Variants in KCNN2 observed in about 807,000 individuals in gnomAD.
KCNN2 encodes the protein potassium calcium-activated channel subfamily N member 2.
Under a neutral mutation model 55.5 loss-of-function variants are expected in KCNN2, and 24 were observed. The ratio of observed to expected loss-of-function variants is 0.43; its 90% CI spans 0.31 to 0.61. KCNN2 has a LOEUF of 0.61. KCNN2 is among the 20% of genes least tolerant of loss of function. The pLI is 0.08. For synonymous variants in KCNN2, 431 were observed against 336.1 expected (o/e 1.28, Z -3.09); for missense variants, 754 against 853.6 (o/e 0.88, Z 1.45).
intron 2 of KCNN2, among the ~76,000 whole-genome samples, chr5:114,293,539 C>A (rs62382903): frequency 1.2e-4 from 19 of 152,170 alleles, no homozygotes; most frequent in East Asian, 1.2e-3. Flanking sequence ...CCAGGGATGA[C>A]GCCCACTTGA....
intron 3 of KCNN2, among the ~76,000 whole-genome samples, chr5:114,415,718 A>G (rs1440909736): frequency 1.3e-5 from 2 of 152,196 alleles, no homozygotes; most frequent in African/African-American, 4.8e-5. Context: ...CAAATTGCCC[A>G]TTTTTAAACT....
intron 2 of KCNN2, among the ~76,000 whole-genome samples, chr5:114,322,114 C>T (rs1561570519): frequency 6.6e-6 from 1 of 152,188 alleles, no homozygotes; most frequent in Admixed American, 6.5e-5. Context: ...CACAATTAAG[C>T]TGCAAATAAC....
At chr5:114,262,085 G>A (rs1284433482) in intron 2 of KCNN2, among the ~76,000 whole-genome samples, 1 of 152,156 alleles carries the variant, frequency 6.6e-6, no homozygotes, top group African/African-American at 2.4e-5. Flanking sequence ...AACCTAAAGA[G>A]ACTCATGTGT....
At chr5:114,416,323 A>C (rs945858597) in intron 3 of KCNN2, among the ~76,000 whole-genome samples, 2 of 152,192 alleles carry the variant, frequency 1.3e-5, no homozygotes, top group African/African-American at 4.8e-5. Flanking sequence ...TCATGACCAA[A>C]AGCAAACATT....
chr5:114,461,847 C>G (rs1459780), intron 3 of KCNN2, among the ~76,000 whole-genome samples: 74,487 of 151,864 alleles, frequency 0.49, 19,991 homozygotes, highest in Middle Eastern at 0.61. Context: ...AGCACAGACA[C>G]AGATGGGGAA....
intron 1 of KCNN2, among the ~76,000 whole-genome samples, chr5:114,177,992 T>A (rs1753169524): frequency 6.6e-6 from 1 of 152,190 alleles, no homozygotes; most frequent in African/African-American, 2.4e-5. Flanking sequence ...GCCTTGTAAT[T>A]TTATCATATG....
chr5:114,274,072 C>T (rs1166948377), intron 2 of KCNN2, among the ~76,000 whole-genome samples: 1 of 152,168 alleles, frequency 6.6e-6, no homozygotes, highest in Non-Finnish European at 1.5e-5. Context: ...AGCCAGTTTT[C>T]TCAACACCAT....
chr5:114,317,200 G>A lies in KCNN2; in HGVS notation c.-184-43745G>A, dbSNP rs899129750. On this transcript the variant is annotated intron_variant, in intron 2 of 10. Coordinates refer to the KCNN2 transcript ENST00000512097. Reference sequence around the variant, plus strand: ...TAAAAAGAAAATAGAGCCTTGTCTGGACTATAGAGATTTGGAAGCTTATTG... The same window carrying A: ...TAAAAAGAAAATAGAGCCTTGTCTGAACTATAGAGATTTGGAAGCTTATTG... Among the ~76,000 whole-genome samples, 6 of 152,046 alleles carry A rather than the reference G, an allele frequency of 3.9e-5. No individual in the cohort carries two copies. The Middle Eastern group carries it at 0.014, about 345-fold the overall frequency.
intron 2 of KCNN2, among the ~76,000 whole-genome samples, chr5:114,311,539 T>C (rs957202136): frequency 6.6e-6 from 1 of 152,094 alleles, no homozygotes; most frequent in Admixed American, 6.6e-5. Flanking sequence ...AGGCTCCCTC[T>C]CTCTCAGAAA....
chr5:114,095,291 C>A (rs1466728877), intron 1 of KCNN2, among the ~76,000 whole-genome samples: 1 of 152,126 alleles, frequency 6.6e-6, no homozygotes, highest in Non-Finnish European at 1.5e-5. Flanking sequence ...TTTTGCTGAG[C>A]ACTTGTGAGG....
intron 1 of KCNN2, among the ~76,000 whole-genome samples, chr5:114,110,311 T>C (rs564504099): frequency 6.6e-6 from 1 of 152,162 alleles, no homozygotes; most frequent in Admixed American, 6.5e-5. Context: ...TTATTAGAAC[T>C]AAGGCAGAAG....
At chr5:114,255,547 A>C (rs1451440387) in intron 2 of KCNN2, among the ~76,000 whole-genome samples, 3 of 152,224 alleles carry the variant, frequency 2.0e-5, no homozygotes, top group African/African-American at 7.2e-5. Flanking sequence ...GGCAGGAGCC[A>C]GATAAGGCAG....
At chr5:114,407,215 T>C (rs893124809) in intron 3 of KCNN2, among the ~76,000 whole-genome samples, 4 of 152,154 alleles carry the variant, frequency 2.6e-5, no homozygotes, top group Middle Eastern at 3.2e-3. Flanking sequence ...CTGAATTCTT[T>C]AATGATTTTT....
chr5:114,208,843 C>A (rs2112579806), intron 1 of KCNN2, among the ~76,000 whole-genome samples: 1 of 152,322 alleles, frequency 6.6e-6, no homozygotes, highest in Middle Eastern at 3.4e-3. Context: ...TCCTTATCCT[C>A]AGGAGACTTA....
At chr5:114,388,323 T>C (rs1000364769) in intron 2 of KCNN2, among the ~76,000 whole-genome samples, 2 of 152,204 alleles carry the variant, frequency 1.3e-5, no homozygotes, top group African/African-American at 2.4e-5. Context: ...TTATGCAATT[T>C]ATATCCCATC....
At chr5:114,164,019 T>C (rs2112535097) in intron 1 of KCNN2, among the ~76,000 whole-genome samples, 1 of 152,298 alleles carries the variant, frequency 6.6e-6, no homozygotes, top group Non-Finnish European at 1.5e-5. Context: ...GTGTCTTCTT[T>C]TGAAACTCAT....
chr5:114,284,497 C>T (rs1755695126), intron 2 of KCNN2, among the ~76,000 whole-genome samples: 1 of 152,038 alleles, frequency 6.6e-6, no homozygotes, highest in Non-Finnish European at 1.5e-5. Flanking sequence ...TAGTTGAGTA[C>T]AGGTAAAAGA....
At chr5:114,166,338 A>G (rs1030174952) in intron 1 of KCNN2, among the ~76,000 whole-genome samples, 1 of 152,104 alleles carries the variant, frequency 6.6e-6, no homozygotes, top group Non-Finnish European at 1.5e-5. Context: ...AGTAGAGCAA[A>G]TGTTTCTACT....
chr5:114,369,137 T>C (rs1273775612), intron 2 of KCNN2, among the ~76,000 whole-genome samples: 3 of 152,182 alleles, frequency 2.0e-5, no homozygotes, highest in African/African-American at 7.2e-5. Context: ...AGAAAGGCCG[T>C]CAGAGTTTAT....
Sources: allele counts gnomAD v4.1 joint callset (sites outside exome capture counted in the v4.1 genomes callset), GRCh38; gene constraint gnomAD v4.1.1; transcripts MANE v1.5; gene names NCBI Gene and HGNC (gene_info 2026-07-23, HGNC 2026-07-21).